The following MARCHF2 variants were observed in gnomAD, a reference collection of about 807,000 sequenced individuals.
The protein encoded by MARCHF2 is membrane associated ring-CH-type finger 2.
A neutral mutation model predicts 24.0 loss-of-function variants in MARCHF2; 22 were observed. The observed-to-expected ratio is 0.92, with a 90% CI of 0.66 to 1.31. The LOEUF (loss-of-function observed/expected upper bound fraction) is 1.31. MARCHF2 is among the 50% of genes most tolerant of loss of function. The pLI is 0.00. For missense variants in MARCHF2, 301 were observed against 335.3 expected (o/e 0.90, Z 0.80); for synonymous variants, 154 against 153.0 (o/e 1.01, Z -0.05).
intron 3 of MARCHF2, among the ~76,000 whole-genome samples, chr19:8,429,462 T>G (rs1392592646): frequency 3.4e-5 from 5 of 148,548 alleles, no homozygotes; most frequent in South Asian, 2.2e-4. Flanking sequence ...TACAAAAAAA[T>G]CAAAGAAATG....
intron 4 of MARCHF2, among the ~76,000 whole-genome samples, chr19:8,432,423 AG>A (rs1190052021): frequency 6.6e-6 from 1 of 152,166 alleles, no homozygotes; most frequent in Non-Finnish European, 1.5e-5. Flanking sequence ...CTGGAGGCCA[AG>A]GTGGGAAGAT....
chr19:8,430,772 G>T lies in MARCHF2; in HGVS notation c.487G>T (p.Ala163Ser). 6.2e-7 allele frequency: 1 copy of T among 1,611,248 alleles called. No individual in the cohort carries two copies. Residue 163 changes from alanine (A) to serine (S), a missense_variant, in exon 4 of 5, where the codon GCC becomes TCC. Ala to Ser is a moderately conservative substitution (Grantham distance 99). Coordinates refer to ENST00000215555, the MANE Select transcript of MARCHF2 (RefSeq NM_001005415.2). The surrounding 1 kb of genome is among the most constrained non-coding windows in gnomAD (Gnocchi z 4.4). ...CTCAGGCTGGTTGTGCCTGCGCGGG[G>T]CCCAGGACCACCTCCGGCTCCACAG... ...AISGWLCLRG[A>S]QDHLRLHSQL...
chr19:8,425,135 G>A (rs1967362339), intron 2 of MARCHF2, among the ~76,000 whole-genome samples: 1 of 152,044 alleles, frequency 6.6e-6, no homozygotes, highest in Non-Finnish European at 1.5e-5. Flanking sequence ...CAGCACTTTG[G>A]GAGGCTGAGG....
intron 4 of MARCHF2, 97 bp from the exon 5 acceptor site, chr19:8,438,291 C>A: frequency 7.9e-7 from 1 of 1,266,688 alleles, no homozygotes; most frequent in Non-Finnish European, 1.1e-6. Flanking sequence ...AAGCATGAGC[C>A]CCAGCCATGG....
chr19:8,438,631 CTTCCACTTCAACAG>C lies in MARCHF2; in HGVS notation c.*90_*103del, dbSNP rs932624437. 4 of 1,443,076 alleles carry C rather than the reference CTTCCACTTCAACAG, an allele frequency of 2.8e-6. No homozygotes were observed. Among genetic ancestry groups the C allele is most frequent in the African/African-American group, 2.9e-5 (2 of 69,664 alleles). The allele number at this position is 1,443,076 out of a possible 1,614,324, so 89.4% of individuals were successfully genotyped here. On this transcript the variant is annotated 3_prime_UTR_variant, in exon 5 of 5. Coordinates refer to ENST00000215555, the MANE Select transcript of MARCHF2 (RefSeq NM_001005415.2). ...CTGTGGAAGGACTTCCACTTCAACA[CTTCCACTTCAACAG>C]TTCCCGCACGGCCTGAACGCTTCTT... is the stretch of plus-strand genomic sequence containing the variant.
intron 4 of MARCHF2, among the ~76,000 whole-genome samples, chr19:8,431,964 C>T (rs1311168737): frequency 3.3e-5 from 5 of 151,828 alleles, no homozygotes; most frequent in Non-Finnish European, 7.4e-5. Flanking sequence ...TGAGACCAGC[C>T]TGGCCAACAT....
intron 2 of MARCHF2, among the ~76,000 whole-genome samples, chr19:8,422,765 C>T (rs969067537): frequency 3.0e-5 from 4 of 134,124 alleles, no homozygotes; most frequent in Non-Finnish European, 4.6e-5. Flanking sequence ...AGTACAGTGG[C>T]GTGATCTCGG....
chr19:8,415,318 C>A (rs1312675661), intron 1 of MARCHF2, among the ~76,000 whole-genome samples: 1 of 148,156 alleles, frequency 6.7e-6, no homozygotes, highest in Non-Finnish European at 1.5e-5. Flanking sequence ...AACCTGGGGG[C>A]GGTGGAAGCT....
At chr19:8,437,755 AT>A (rs1967769501) in intron 4 of MARCHF2, among the ~76,000 whole-genome samples, 1 of 139,594 alleles carries the variant, frequency 7.2e-6, no homozygotes, top group Admixed American at 7.2e-5. Flanking sequence ...CATTAAAAAA[AT>A]TTTTTTGAGA....
chr19:8,421,382 C>CTTTT (rs1254772289), intron 1 of MARCHF2, among the ~76,000 whole-genome samples: 326 of 111,646 alleles, frequency 2.9e-3, no homozygotes, highest in Non-Finnish European at 4.5e-3. Flanking sequence ...TCTTTCTTTT[C>CTTTT]TTTTTTTTTT....
At chr19:8,432,813 T>C (rs1211134948) in intron 4 of MARCHF2, among the ~76,000 whole-genome samples, 1 of 151,714 alleles carries the variant, frequency 6.6e-6, no homozygotes, top group Non-Finnish European at 1.5e-5. Context: ...AAAGCCTGGG[T>C]GCAGTGCTTC....
At chr19:8,436,150 T>G (rs11879077) in intron 4 of MARCHF2, among the ~76,000 whole-genome samples, 5,254 of 151,740 alleles carry the variant, frequency 0.035, 165 homozygotes, top group African/African-American at 0.083. Flanking sequence ...TTTTTTTTTT[T>G]GGGGGGGACA....
chr19:8,422,325 C>T (rs1013756457), intron 2 of MARCHF2, among the ~76,000 whole-genome samples: 3 of 152,024 alleles, frequency 2.0e-5, no homozygotes, highest in African/African-American at 4.8e-5. Flanking sequence ...CTCAGTGCCT[C>T]GGCCCTGACC....
At position 8,427,994 on chromosome 19, in the gene MARCHF2, C is replaced by T. The variant is rs566635853; in HGVS notation, c.372+1190C>T. Among the ~76,000 whole-genome samples the T allele has an allele frequency of 5.3e-5, 8 of 152,126 alleles. No individual in the cohort carries two copies. In the East Asian group the frequency reaches 1.4e-3, roughly 26 times the overall value. ...GCCAGGTGTGGGCTGGGCACGGTGG[C>T]TCATGCCTGTAATCCCAGCACTTGG... On this transcript the variant is annotated intron_variant, in intron 3 of 4. Transcript: ENST00000215555.
In MARCHF2 at chr19:8,415,745, A is replaced by AAAAAAAAAC. The variant is rs1967068897; in HGVS notation, c.-53+2333_-53+2334insCAAAAAAAA. Reference sequence around the variant, plus strand: ...TCAAAAAAAAAAAAACAAAAAAAACAAAAAAAAAAACCAGACAAAAGAAAG... The same window carrying AAAAAAAAAC: ...TCAAAAAAAAAAAAACAAAAAAAACAAAAAAAAACAAAAAAAAAACCAGACAAAAGAAAG... On this transcript the variant is annotated intron_variant, in intron 1 of 4. Coordinates refer to ENST00000215555, the MANE Select transcript of MARCHF2 (RefSeq NM_001005415.2). 2.2e-4 allele frequency among the ~76,000 whole-genome samples: 12 copies of AAAAAAAAAC among 53,994 alleles called. 2 individuals carry two copies. Among genetic ancestry groups the AAAAAAAAAC allele is most frequent in the African/African-American group, 5.2e-4 (9 of 17,414 alleles). 35.4% of individuals were successfully genotyped at this position (53,994 alleles called of 152,430 possible).
At chr19:8,413,454 GC>G in intron 1 of MARCHF2, 34 bp downstream of exon 1, 1 of 151,998 alleles carries the variant, frequency 6.6e-6, no homozygotes, top group East Asian at 1.9e-4. Flanking sequence ...GCCGGAGGAC[GC>G]CAGTCCGCGG....
intron 4 of MARCHF2, among the ~76,000 whole-genome samples, chr19:8,435,866 G>GTGTGTGTGTGTGTGTGTGT (rs1599718352): frequency 6.8e-6 from 1 of 147,432 alleles, no homozygotes; most frequent in Non-Finnish European, 1.5e-5. Context: ...GTGTGTGTGT[G>GTGTGTGTGTGTGTGTGTGT]GCGGGGAGGG....
chr19:8,428,739 G>A (rs1340069637), intron 3 of MARCHF2, among the ~76,000 whole-genome samples: 1 of 150,368 alleles, frequency 6.7e-6, no homozygotes, highest in East Asian at 2.0e-4. Flanking sequence ...AGAGGTGGGT[G>A]GATCACCTGA....
At chr19:8,423,425 A>G (rs747624217) in intron 2 of MARCHF2, 1 of 151,430 alleles carries the variant, frequency 6.6e-6, no homozygotes, top group Non-Finnish European at 1.5e-5. Context: ...AACTGACATG[A>G]TTCTTCCTCA....
Sources: gnomAD v4.1 joint callset for allele counts (sites outside exome capture counted in the v4.1 genomes callset) on GRCh38, gnomAD v4.1.1 for gene constraint, Gnocchi (gnomAD v3.1) non-coding constraint, MANE v1.5 for transcripts, NCBI Gene and HGNC (gene_info 2026-07-23, HGNC 2026-07-21) for gene names.